GALNT17: variants seen among roughly 807,000 people sequenced by gnomAD.
The protein encoded by GALNT17 is UDP-GalNAc:polypeptide N-acetylgalactosaminyltransferase-like 3.
Under a neutral mutation model 63.7 loss-of-function variants are expected in GALNT17, and 29 were observed. The ratio of observed to expected loss-of-function variants is 0.46; its 90% CI spans 0.34 to 0.62. GALNT17 has a LOEUF of 0.62. GALNT17 is among the 20% of genes least tolerant of loss of function. The pLI is 0.01. For synonymous variants in GALNT17, 305 were observed against 318.3 expected (o/e 0.96, Z 0.45); for missense variants, 603 against 799.6 (o/e 0.75, Z 2.97).
chr7:71,552,688 C>T (rs931980924), intron 5 of GALNT17, among the ~76,000 whole-genome samples: 3 of 151,994 alleles, frequency 2.0e-5, no homozygotes, highest in Admixed American at 6.6e-5. Flanking sequence ...GTGATCCGTC[C>T]GCCTCGGCCT....
In GALNT17 at chr7:71,644,514, C is replaced by T. The variant is rs1255436992; in HGVS notation, c.1081-20897C>T. On this transcript the variant is annotated intron_variant, in intron 6 of 10. Transcript: ENST00000333538. Reference sequence around the variant, plus strand: ...ACTGCACTCCAGCCTGGCGACAGAGCGAGACTCCATCTCAAAAAAAAAAAA... The same window carrying T: ...ACTGCACTCCAGCCTGGCGACAGAGTGAGACTCCATCTCAAAAAAAAAAAA... 7.5e-4 allele frequency among the ~76,000 whole-genome samples: 79 copies of T among 105,054 alleles called. 1 individual carries two copies. Among genetic ancestry groups the T allele is most frequent in the African/African-American group, 3.1e-3 (73 of 23,360 alleles). 68.9% of individuals were successfully genotyped at this position (105,054 alleles called of 152,430 possible). A position where few individuals can be genotyped will look rare whatever the true frequency, so the allele number is the denominator to read the frequency against.
chr7:71,437,024 C>T (rs555493731), intron 5 of GALNT17, among the ~76,000 whole-genome samples: 4 of 152,266 alleles, frequency 2.6e-5, no homozygotes, highest in East Asian at 3.9e-4. Flanking sequence ...ATCTTCGACT[C>T]GCTGGCCCTC....
chr7:71,277,194 G>A (rs949845184), intron 1 of GALNT17, among the ~76,000 whole-genome samples: 1 of 152,112 alleles, frequency 6.6e-6, no homozygotes, highest in Non-Finnish European at 1.5e-5. Context: ...GCAGCCACAT[G>A]GGTAGAGCTG....
At chr7:71,509,843 A>G (rs894347158) in intron 5 of GALNT17, among the ~76,000 whole-genome samples, 4 of 152,198 alleles carry the variant, frequency 2.6e-5, no homozygotes, top group Non-Finnish European at 5.9e-5. Context: ...GCATCCTTCA[A>G]CACTGCCCCA....
At chr7:71,215,510 G>A (rs928394343) in intron 1 of GALNT17, among the ~76,000 whole-genome samples, 3 of 151,860 alleles carry the variant, frequency 2.0e-5, no homozygotes, top group African/African-American at 7.3e-5. Context: ...TAAAAATTCT[G>A]TCTTAAAGTA....
chr7:71,465,373 G>T (rs1045522285), intron 5 of GALNT17, among the ~76,000 whole-genome samples: 6 of 152,176 alleles, frequency 3.9e-5, no homozygotes, highest in African/African-American at 1.2e-4. Flanking sequence ...CCTTTGGGGG[G>T]TGTCAGAGGC....
chr7:71,474,040 G>T (rs1461819666), intron 5 of GALNT17, among the ~76,000 whole-genome samples: 2 of 152,142 alleles, frequency 1.3e-5, no homozygotes, highest in African/African-American at 4.8e-5. Context: ...ACAAGGTGTG[G>T]ATTACTTATG....
chr7:71,396,117 G>A (rs372300660), intron 3 of GALNT17, among the ~76,000 whole-genome samples: 1 of 152,040 alleles, frequency 6.6e-6, no homozygotes, highest in African/African-American at 2.4e-5. Flanking sequence ...TTTTAATTTT[G>A]ATAAAGTCCA....
chr7:71,546,758 A>G (rs1300135566), intron 5 of GALNT17, among the ~76,000 whole-genome samples: 1 of 152,154 alleles, frequency 6.6e-6, no homozygotes, highest in Non-Finnish European at 1.5e-5. Flanking sequence ...GGTAAAGGGA[A>G]TGGTCCATAA....
intron 1 of GALNT17, among the ~76,000 whole-genome samples, chr7:71,256,998 G>A (rs1320052536): frequency 2.0e-5 from 3 of 152,194 alleles, no homozygotes; most frequent in African/African-American, 7.2e-5. Context: ...CCTACCCCCT[G>A]CAGAAATGCC....
chr7:71,327,120 G>A (rs966207678), intron 1 of GALNT17, among the ~76,000 whole-genome samples: 2 of 152,146 alleles, frequency 1.3e-5, no homozygotes, highest in Non-Finnish European at 2.9e-5. Flanking sequence ...GGCACTGGAG[G>A]TGACCACATG....
intron 1 of GALNT17, among the ~76,000 whole-genome samples, chr7:71,247,295 C>G (rs1025875440): frequency 1.3e-5 from 2 of 151,974 alleles, no homozygotes; most frequent in Non-Finnish European, 2.9e-5. Context: ...AAATACTAAC[C>G]TCGTTATAGC....
At chr7:71,536,725 T>G (rs1788808504) in intron 5 of GALNT17, among the ~76,000 whole-genome samples, 1 of 152,014 alleles carries the variant, frequency 6.6e-6, no homozygotes, top group Admixed American at 6.6e-5. Context: ...GAGATTTGAG[T>G]GGGGACACAG....
At chr7:71,258,741 C>T (rs974697896) in intron 1 of GALNT17, among the ~76,000 whole-genome samples, 1 of 151,290 alleles carries the variant, frequency 6.6e-6, no homozygotes, top group Non-Finnish European at 1.5e-5. Flanking sequence ...CAAATAAACA[C>T]AGTAAGAGAG....
chr7:71,486,990 G>A (rs1787922636), intron 5 of GALNT17, among the ~76,000 whole-genome samples: 1 of 152,194 alleles, frequency 6.6e-6, no homozygotes, highest in Non-Finnish European at 1.5e-5. Context: ...CTGGGATGAT[G>A]CACTTCCCAA....
chr7:71,137,732 C>T (rs373676113), intron 1 of GALNT17, among the ~76,000 whole-genome samples: 1 of 152,166 alleles, frequency 6.6e-6, no homozygotes, highest in Non-Finnish European at 1.5e-5. Flanking sequence ...GGAACGAGAT[C>T]CTTCGAGGCC....
chr7:71,325,281 G>A (rs1335294945), intron 1 of GALNT17, among the ~76,000 whole-genome samples: 2 of 152,146 alleles, frequency 1.3e-5, no homozygotes, highest in Admixed American at 6.5e-5. Context: ...GACGCGGACC[G>A]GCAGGAGGGC....
At chr7:71,292,484 T>C (rs946778828) in intron 1 of GALNT17, among the ~76,000 whole-genome samples, 2 of 152,216 alleles carry the variant, frequency 1.3e-5, no homozygotes, top group Non-Finnish European at 2.9e-5. Flanking sequence ...GAATGTGAAC[T>C]GAGCATTTTT....
chr7:71,174,735 C>A (rs970984174), intron 1 of GALNT17, among the ~76,000 whole-genome samples: 7 of 152,166 alleles, frequency 4.6e-5, no homozygotes, highest in South Asian at 2.1e-4. Flanking sequence ...TAGGGTGGGG[C>A]AGAAACAAAT....
Sources: allele counts gnomAD v4.1 joint callset (sites outside exome capture counted in the v4.1 genomes callset), GRCh38; gene constraint gnomAD v4.1.1; transcripts MANE v1.5; gene names NCBI Gene and HGNC (gene_info 2026-07-23, HGNC 2026-07-21).